The following PRDM11 variants were observed in gnomAD, a reference collection of about 807,000 sequenced individuals.
PRDM11 encodes PR domain-containing protein 11.
Under a neutral mutation model 97.8 loss-of-function variants are expected in PRDM11, and 20 were observed. The observed-to-expected ratio is 0.20, with a 90% CI of 0.14 to 0.30. The LOEUF (loss-of-function observed/expected upper bound fraction) is 0.30. Ranked by LOEUF, PRDM11 falls within the 10% of genes least tolerant of loss-of-function variation. The pLI is 1.00. For missense variants in PRDM11, 1,139 were observed against 1,555.2 expected (o/e 0.73, Z 4.50); for synonymous variants, 599 against 637.7 (o/e 0.94, Z 0.91).
chr11:45,095,883 C>T (rs954333171), exon 1 of PRDM11: 1 of 780,910 alleles, frequency 1.3e-6, no homozygotes, highest in African/African-American at 1.7e-5. Flanking sequence ...CACCTCTCTT[C>T]CTTTACCAGA....
chr11:45,224,149 T>G, intron 6 of PRDM11, 68 bp from the exon 7 acceptor site: 1 of 1,503,430 alleles, frequency 6.7e-7, no homozygotes, highest in African/African-American at 1.4e-5. Context: ...AGGCCTGCTT[T>G]GTTTTCTGTT....
intron 1 of PRDM11, among the ~76,000 whole-genome samples, chr11:45,162,372 G>C (rs577736774): frequency 2.8e-4 from 42 of 152,182 alleles, no homozygotes; most frequent in African/African-American, 1.0e-3. Flanking sequence ...GTAAGGCTCA[G>C]AGAGGCCCAA....
intron 1 of PRDM11, among the ~76,000 whole-genome samples, chr11:45,116,164 G>A (rs1260302307): frequency 6.6e-6 from 1 of 151,970 alleles, no homozygotes; most frequent in Non-Finnish European, 1.5e-5. Flanking sequence ...TAGACTAAAG[G>A]GAGAAATAGA....
At chr11:45,212,677 G>A (rs1162792920) in intron 5 of PRDM11, 5 of 456,114 alleles carry the variant, frequency 1.1e-5, no homozygotes, top group African/African-American at 2.0e-5. Context: ...CCCCTCGGCC[G>A]CACCCCAGCC....
chr11:45,184,365 G>A (rs1478962693), intron 4 of PRDM11, among the ~76,000 whole-genome samples: 1 of 152,202 alleles, frequency 6.6e-6, no homozygotes, highest in African/African-American at 2.4e-5. Context: ...GATGACTTTG[G>A]CTACAGCCTG....
At chr11:45,190,085 CATTGCTTTA>C (rs1202937915) in intron 4 of PRDM11, among the ~76,000 whole-genome samples, 2 of 151,984 alleles carry the variant, frequency 1.3e-5, no homozygotes, top group Non-Finnish European at 2.9e-5. Context: ...ACTTTATACC[CATTGCTTTA>C]TCTCACTTTC....
At position 45,219,979 on chromosome 11, in the gene PRDM11, A is replaced by G. The variant is rs546343517; in HGVS notation, c.742+222A>G. Among the ~76,000 whole-genome samples the G allele has an allele frequency of 2.6e-5, 4 of 152,180 alleles. No individual in the cohort carries two copies. The South Asian group carries it at 8.3e-4, about 32-fold the overall frequency. On this transcript the variant is annotated intron_variant, in intron 6 of 7. Transcript: ENST00000683152. The surrounding 1 kb of genome is among the most constrained non-coding windows in gnomAD (Gnocchi z 4.2). ...AGAAATGGTCTCAGAAATCCTTACCACACACATTTCAGAGTATTCATGAGA... is the reference window on the plus strand; with the variant it reads ...AGAAATGGTCTCAGAAATCCTTACCGCACACATTTCAGAGTATTCATGAGA...
At chr11:45,180,864 C>T (rs1330083425) in intron 1 of PRDM11, among the ~76,000 whole-genome samples, 1 of 151,812 alleles carries the variant, frequency 6.6e-6, no homozygotes, top group Non-Finnish European at 1.5e-5. Context: ...CCACCGCGCG[C>T]CCCCGGCCCT....
intron 1 of PRDM11, among the ~76,000 whole-genome samples, chr11:45,158,570 G>A (rs1851856008): frequency 6.6e-6 from 1 of 152,240 alleles, no homozygotes; most frequent in Admixed American, 6.5e-5. Context: ...TCTTGGTCAT[G>A]TGTGGAGGCT....
At chr11:45,101,099 T>C (rs1359858311) in intron 1 of PRDM11, among the ~76,000 whole-genome samples, 1 of 152,138 alleles carries the variant, frequency 6.6e-6, no homozygotes, top group African/African-American at 2.4e-5. Context: ...GCTTCTCCCT[T>C]TCCCCACACT....
Position 45,182,237 on chromosome 11 carries a change from C to T in PRDM11, c.120-9C>T. 6.2e-7 allele frequency: 1 copy of T among 1,613,216 alleles called. No homozygotes were observed. Among genetic ancestry groups the T allele is most frequent in the South Asian group, 1.1e-5 (1 of 91,046 alleles). On this transcript the variant is annotated splice_polypyrimidine_tract_variant and intron_variant, in intron 2 of 7. Transcript: ENST00000683152. ...CTTTGCTTTCTTTGCGGGCCTCTGC[C>T]CTGGCCAGCTCTAGGAGACCGGACT...
intron 1 of PRDM11, among the ~76,000 whole-genome samples, chr11:45,161,100 C>T (rs1267452867): frequency 6.6e-6 from 1 of 151,378 alleles, no homozygotes; most frequent in Non-Finnish European, 1.5e-5. Flanking sequence ...CCTCTCTGTG[C>T]CTTAGTTCTA....
At chr11:45,209,698 G>A (rs945188840) in intron 5 of PRDM11, among the ~76,000 whole-genome samples, 1 of 152,212 alleles carries the variant, frequency 6.6e-6, no homozygotes, top group Non-Finnish European at 1.5e-5. Context: ...AACCTGAACA[G>A]TCACAGGGGC....
intron 4 of PRDM11, among the ~76,000 whole-genome samples, chr11:45,188,149 A>G (rs1287760941): frequency 1.3e-5 from 2 of 151,970 alleles, no homozygotes; most frequent in African/African-American, 2.4e-5. Flanking sequence ...TATGCACTCT[A>G]CTCTGTAGAA....
At position 45,183,921 on chromosome 11, in the gene PRDM11, A is replaced by G. The variant is rs919562441; in HGVS notation, c.486+798A>G. Among the ~76,000 whole-genome samples the G allele has an allele frequency of 3.3e-5, 5 of 152,358 alleles. No individual in the cohort carries two copies. In the South Asian group the frequency reaches 1.0e-3, roughly 32 times the overall value. On this transcript the variant is annotated intron_variant, in intron 4 of 7. Coordinates refer to ENST00000683152, the MANE Select transcript of PRDM11 (RefSeq NM_001384648.1). Reference sequence around the variant, plus strand: ...AGGCAATCAGATAAATCCTGCCTTCATGGAGTTCTCTGTGGGAAAGATAGA... The same window carrying G: ...AGGCAATCAGATAAATCCTGCCTTCGTGGAGTTCTCTGTGGGAAAGATAGA...
At chr11:45,152,808 C>T (rs1263283291) in intron 1 of PRDM11, among the ~76,000 whole-genome samples, 1 of 152,208 alleles carries the variant, frequency 6.6e-6, no homozygotes, top group African/African-American at 2.4e-5. Context: ...CACCTGATTC[C>T]TGAGCCCTCC....
chr11:45,109,634 A>G (rs1392237148), intron 1 of PRDM11, among the ~76,000 whole-genome samples: 2 of 152,070 alleles, frequency 1.3e-5, no homozygotes, highest in Non-Finnish European at 2.9e-5. Flanking sequence ...GGTGTGGGAG[A>G]TGGAACAGGG....
At chr11:45,106,941 C>T (rs972456033) in intron 1 of PRDM11, among the ~76,000 whole-genome samples, 17 of 152,194 alleles carry the variant, frequency 1.1e-4, no homozygotes, top group African/African-American at 3.1e-4. Flanking sequence ...AGCTTCACTG[C>T]AAACAGGGAT....
At chr11:45,102,910 A>G (rs1852002786) in intron 1 of PRDM11, among the ~76,000 whole-genome samples, 1 of 152,176 alleles carries the variant, frequency 6.6e-6, no homozygotes, top group Non-Finnish European at 1.5e-5. Flanking sequence ...TCGACCGAGG[A>G]AGGGAGAGCA....
Sources: gnomAD v4.1 joint callset for allele counts (sites outside exome capture counted in the v4.1 genomes callset) on GRCh38, gnomAD v4.1.1 for gene constraint, Gnocchi (gnomAD v3.1) non-coding constraint, MANE v1.5 for transcripts, NCBI Gene and HGNC (gene_info 2026-07-23, HGNC 2026-07-21) for gene names.